Variants in CD300C observed in about 807,000 individuals in gnomAD.
CD300C encodes the protein CMRF35-like molecule 6.
In CD300C, 11 loss-of-function variants were observed where a neutral mutation model predicts 18.4. The observed-to-expected ratio is 0.60, with a 90% CI of 0.38 to 0.99. The LOEUF (loss-of-function observed/expected upper bound fraction) is 0.99. CD300C is among the 50% of genes least tolerant of loss of function. CD300C has a pLI of 0.01. For missense variants in CD300C, 277 were observed against 287.4 expected (o/e 0.96, Z 0.26); for synonymous variants, 116 against 116.3 (o/e 1.00, Z 0.02).
chr17:74,543,095 A>G (rs1334021795), intron 2 of CD300C, 108 bp from the exon 3 acceptor site: 4 of 1,436,214 alleles, frequency 2.8e-6, no homozygotes, highest in Non-Finnish European at 3.9e-6. Flanking sequence ...GATGTGCTGG[A>G]CAGATGCCCT....
At chr17:74,537,418 G>A (rs916462729), downstream of CD300C, among the ~76,000 whole-genome samples, 1 of 152,082 alleles carries the variant, frequency 6.6e-6, no homozygotes, top group African/African-American at 2.4e-5. Flanking sequence ...TTCGGAGGCT[G>A]AGGCGGATGG....
At chr17:74,541,821 A>G in intron 3 of CD300C, 85 bp from the exon 4 acceptor site, 2 of 1,481,438 alleles carry the variant, frequency 1.4e-6, no homozygotes, top group Non-Finnish European at 1.8e-6. Context: ...CTTGTGTCCC[A>G]ATCCTGTGAC....
At position 74,542,830 on chromosome 17, in the gene CD300C, C is replaced by T. The variant is rs201789339; in HGVS notation, c.527+31G>A. 191 of 1,583,872 alleles carry T rather than the reference C, an allele frequency of 1.2e-4. No individual in the cohort carries two copies. The African/African-American group carries it at 2.3e-3, about 19-fold the overall frequency. On this transcript the variant is annotated intron_variant, in intron 3 of 3. Transcript: ENST00000330793. Reference sequence around the variant, plus strand: ...TCACACGCAGTGGGGAGGCCGCCAGCGTGGCCCAGTCCTATGCGCAGGCAC... The same window carrying T: ...TCACACGCAGTGGGGAGGCCGCCAGTGTGGCCCAGTCCTATGCGCAGGCAC...
chr17:74,540,857 A>G (rs1908522362), downstream of CD300C, among the ~76,000 whole-genome samples: 1 of 152,170 alleles, frequency 6.6e-6, no homozygotes, highest in Admixed American at 6.5e-5. Context: ...TGGTTATGCT[A>G]CCACAGTTCA....
At position 74,544,663 on chromosome 17, in the gene CD300C, A is replaced by G. The variant is rs1336427491; in HGVS notation, c.346T>C (p.Trp116Arg). The change falls in exon 2 of 4, where the codon TGG becomes CGG. Residue 116 changes from tryptophan to arginine, a missense_variant. Trp to Arg is a moderately radical substitution (Grantham distance 101). Transcript: ENST00000330793. ...GTYWCGVDTP[W>R]LRDFHDPIVE... ...ATGGGATCATGAAAGTCTCGGAGCCACGGTGTATCCACCCCACACCAGTAG... is the reference window on the plus strand; with the variant it reads ...ATGGGATCATGAAAGTCTCGGAGCCGCGGTGTATCCACCCCACACCAGTAG... 6.2e-7 allele frequency: 1 copy of G among 1,614,180 alleles called. No homozygotes were observed. Among genetic ancestry groups the G allele is most frequent in the Admixed American group, 1.7e-5 (1 of 60,028 alleles).
At position 74,544,415 on chromosome 17, in the gene CD300C, C is replaced by A. The variant is rs573994166; in HGVS notation, c.400+194G>T. Among the ~76,000 whole-genome samples, 3 of 79,474 alleles carry A rather than the reference C, an allele frequency of 3.8e-5. No homozygotes were observed. The East Asian group carries it at 8.8e-4, about 23-fold the overall frequency. The allele number at this position is 79,474 out of a possible 152,430, so 52.1% of individuals were successfully genotyped here. A position where few individuals can be genotyped will look rare whatever the true frequency, so the allele number is the denominator to read the frequency against. On this transcript the variant is annotated intron_variant, in intron 2 of 3. Transcript: ENST00000330793. The stretch of plus-strand genomic sequence containing the variant: ...ACACACATGCAGGTGCACACACACA[C>A]AAACCACACCACAACTCCTATGCAG...
rs769943609 is a variant in CD300C at position 74,541,575 on chromosome 17, A to G, written c.*14T>C. On this transcript the variant is annotated 3_prime_UTR_variant, in exon 4 of 4. Transcript: ENST00000330793. Reference sequence around the variant, plus strand: ...GGCTCTGTTGCAGCACAGGGCCTTGATGGACAGCAGATGCTACTGGTTCTC... The same window carrying G: ...GGCTCTGTTGCAGCACAGGGCCTTGGTGGACAGCAGATGCTACTGGTTCTC... 35 of 1,596,008 alleles carry G rather than the reference A, an allele frequency of 2.2e-5. No homozygotes were observed. The highest frequency in any genetic ancestry group is 2.9e-5 in the Non-Finnish European group (34 of 1,163,766).
rs1296940507 is a variant in CD300C, at chr17:74,541,488, G to A, written c.*101C>T. The A allele has an allele frequency of 2.6e-6, 2 of 783,744 alleles. No homozygotes were observed. The highest frequency in any genetic ancestry group is 4.9e-5 in the East Asian group (2 of 40,650). The allele number at this position is 783,744 out of a possible 1,614,324, so 48.5% of individuals were successfully genotyped here. A position where few individuals can be genotyped will look rare whatever the true frequency, so the allele number is the denominator to read the frequency against. On this transcript the variant is annotated 3_prime_UTR_variant, in exon 4 of 4. Transcript: ENST00000330793. ...TGAAGGAGGCTCACAAAGGATTCCA[G>A]GAGATGTGGAGAGAGCAGCCCGGGA...
downstream of CD300C, among the ~76,000 whole-genome samples, chr17:74,537,990 A>G (rs1410730900): frequency 6.6e-6 from 1 of 152,208 alleles, no homozygotes; most frequent in African/African-American, 2.4e-5. Flanking sequence ...TAGAAAAGAA[A>G]TTGCATAAGA....
At position 74,545,299 on chromosome 17, in the gene CD300C, TGA is replaced by T. The variant is rs1490718917; in HGVS notation, c.62-354_62-353del. On this transcript the variant is annotated intron_variant, in intron 1 of 3. Coordinates refer to ENST00000330793, the MANE Select transcript of CD300C (RefSeq NM_006678.5). ...GTGCATGTGTGACTGTGTGTGCATG[TGA>T]GTGTGACTGTGTGTGCATGTGTGAC... Among the ~76,000 whole-genome samples the T allele has an allele frequency of 9.2e-5, 14 of 151,664 alleles. No homozygotes were observed. In the East Asian group the frequency reaches 2.5e-3, roughly 27 times the overall value.
rs374552644 is a variant in CD300C, at chr17:74,544,680, C to T, written c.329G>A (p.Cys110Tyr). The T allele has an allele frequency of 1.2e-6, 2 of 1,614,268 alleles. No individual in the cohort carries two copies. The highest frequency in any genetic ancestry group is 8.5e-7 in the Non-Finnish European group (1 of 1,180,050). Reference sequence around the variant, plus strand: ...TCGGAGCCACGGTGTATCCACCCCACACCAGTAGGTGCCTGCGTCCTCCTC... The same window carrying T: ...TCGGAGCCACGGTGTATCCACCCCATACCAGTAGGTGCCTGCGTCCTCCTC... The part of the protein sequence containing the change: ...LTEEDAGTYW[C>Y]GVDTPWLRDF... Residue 110 changes from cysteine (C) to tyrosine (Y), a missense_variant, in exon 2 of 4, where the codon TGT becomes TAT. Coordinates refer to ENST00000330793, the MANE Select transcript of CD300C (RefSeq NM_006678.5).
chr17:74,542,862 C>G lies in CD300C; in HGVS notation c.526G>C (p.Gly176Arg). The G allele has an allele frequency of 6.2e-7, 1 of 1,605,696 alleles. No homozygotes were observed. Among genetic ancestry groups the G allele is most frequent in the East Asian group, 2.2e-5 (1 of 44,876 alleles). Residue 176 changes from glycine (G) to arginine (R), a missense_variant and splice_region_variant, in exon 3 of 4, where the codon GGC becomes CGC. Coordinates refer to ENST00000330793, the MANE Select transcript of CD300C (RefSeq NM_006678.5). ...CAGTCCTATGCGCAGGCACCTTACC[C>G]AGGGTGTGGGCTGGGTTCGGGGCTG... ...KDSPEPSPHP[G>R]SLFSNVRFLL... is the part of the protein sequence containing the mutation.
chr17:74,540,383 T>C (rs368776371), downstream of CD300C, among the ~76,000 whole-genome samples: 1 of 152,326 alleles, frequency 6.6e-6, no homozygotes, highest in East Asian at 1.9e-4. Flanking sequence ...AACATATTCA[T>C]GTATTTTTGC....
the CD300C span, among the ~76,000 whole-genome samples, chr17:74,535,758 T>C: frequency 6.6e-6 from 1 of 152,282 alleles, no homozygotes; most frequent in Non-Finnish European, 1.5e-5. Flanking sequence ...AAATGGCCAA[T>C]ATTTGCAAAG....
At chr17:74,539,286 A>G (rs1397390455), downstream of CD300C, among the ~76,000 whole-genome samples, 6 of 152,044 alleles carry the variant, frequency 3.9e-5, no homozygotes, top group African/African-American at 1.4e-4. Context: ...TTACACTCTC[A>G]GGGACAGTGT....
At chr17:74,545,070 TC>T in intron 1 of CD300C, 123 bp from the exon 2 acceptor site, 3 of 879,668 alleles carry the variant, frequency 3.4e-6, no homozygotes, top group Non-Finnish European at 5.2e-6. Flanking sequence ...GCAGCCTTTG[TC>T]CACCCAGGAA....
chr17:74,538,361 G>A (rs1355676213), downstream of CD300C, among the ~76,000 whole-genome samples: 1 of 152,196 alleles, frequency 6.6e-6, no homozygotes, highest in Admixed American at 6.5e-5. Context: ...GGAGGATCAG[G>A]AGCAGGATGT....
chr17:74,541,220 G>C lies in CD300C; in HGVS notation c.*369C>G. The C allele has an allele frequency of 4.6e-6, 1 of 219,254 alleles. No individual in the cohort carries two copies. The highest frequency in any genetic ancestry group is 9.3e-6 in the Non-Finnish European group (1 of 108,012). The allele number at this position is 219,254 out of a possible 1,614,324, so 13.6% of individuals were successfully genotyped here. Reference sequence around the variant, plus strand: ...GGACCCAGGGAGTGTGGGCCATTATGGTGGCAAAGGTGCAGGGGAGTCCTA... The same window carrying C: ...GGACCCAGGGAGTGTGGGCCATTATCGTGGCAAAGGTGCAGGGGAGTCCTA... On this transcript the variant is annotated 3_prime_UTR_variant, in exon 4 of 4. Coordinates refer to ENST00000330793, the MANE Select transcript of CD300C (RefSeq NM_006678.5).
chr17:74,535,916 A>C, the CD300C span, among the ~76,000 whole-genome samples: 1 of 152,208 alleles, frequency 6.6e-6, no homozygotes, highest in African/African-American at 2.4e-5. Flanking sequence ...GGTTAGAAAA[A>C]GGTCCAAGCA....
Sources: gnomAD v4.1 joint callset for allele counts (sites outside exome capture counted in the v4.1 genomes callset) on GRCh38, gnomAD v4.1.1 for gene constraint, MANE v1.5 for transcripts, NCBI Gene and HGNC (gene_info 2026-07-23, HGNC 2026-07-21) for gene names.